Variants in ANKRD44 observed in about 807,000 individuals in gnomAD.
ANKRD44 encodes the protein serine/threonine-protein phosphatase 6 regulatory ankyrin repeat subunit B.
Under a neutral mutation model 116.0 loss-of-function variants are expected in ANKRD44, and 35 were observed. The ratio of observed to expected loss-of-function variants is 0.30; its 90% CI spans 0.23 to 0.40. The LOEUF (loss-of-function observed/expected upper bound fraction) is 0.40, where lower values mean the gene tolerates loss of function less well. Ranked by LOEUF, ANKRD44 falls within the 10% of genes least tolerant of loss-of-function variation. ANKRD44 has a pLI of 1.00. For synonymous variants in ANKRD44, 435 were observed against 461.8 expected, an observed-to-expected ratio of 0.94 and a Z score of 0.74; for missense variants, 1,014 against 1,242.6, an observed-to-expected ratio of 0.82 and a Z score of 2.77.
At chr2:197,199,661 A>T (rs779644589) in intron 1 of ANKRD44, among the ~76,000 whole-genome samples, 1 of 152,090 alleles carries the variant, frequency 6.6e-6, no homozygotes, top group East Asian at 1.9e-4. Flanking sequence ...GGTGGTCTCA[A>T]ATTCTTGGGT....
chr2:197,282,019 C>T (rs1164908635), intron 1 of ANKRD44, among the ~76,000 whole-genome samples: 1 of 152,020 alleles, frequency 6.6e-6, no homozygotes, highest in Non-Finnish European at 1.5e-5. Context: ...TTTGGGAGGC[C>T]GAGGCGGGCA....
chr2:197,159,482 C>A (rs2079904220), intron 2 of ANKRD44, among the ~76,000 whole-genome samples: 1 of 152,008 alleles, frequency 6.6e-6, no homozygotes, highest in Non-Finnish European at 1.5e-5. Context: ...TAATAAAAGA[C>A]TTTCCTATTA....
intron 16 of ANKRD44, among the ~76,000 whole-genome samples, chr2:197,077,048 T>C (rs1199434953): frequency 6.6e-6 from 1 of 152,258 alleles, no homozygotes; most frequent in Non-Finnish European, 1.5e-5. Flanking sequence ...GGTTGAATGA[T>C]AGTTTTGCTT....
intron 2 of ANKRD44, among the ~76,000 whole-genome samples, chr2:197,164,229 G>A (rs1165581282): frequency 6.6e-6 from 1 of 152,194 alleles, no homozygotes; most frequent in East Asian, 1.9e-4. Context: ...ACATTCCTCG[G>A]GTCCCGGGAG....
chr2:197,300,758 C>CTTT (rs112803787), intron 1 of ANKRD44, among the ~76,000 whole-genome samples: 38 of 122,708 alleles, frequency 3.1e-4, no homozygotes, highest in Non-Finnish European at 4.6e-4. Flanking sequence ...TTTCATTTTC[C>CTTT]TTTTTTTTTT....
chr2:197,066,954 A>G (rs2077446706), intron 16 of ANKRD44, among the ~76,000 whole-genome samples: 1 of 152,208 alleles, frequency 6.6e-6, no homozygotes, highest in Non-Finnish European at 1.5e-5. Flanking sequence ...ACATGGAACC[A>G]AAAAAGAGCC....
At chr2:197,136,813 C>G in intron 3 of ANKRD44, 151 bp from the exon 4 acceptor site, 1 of 683,128 alleles carries the variant, frequency 1.5e-6, no homozygotes. Context: ...AAGATTTGAT[C>G]AAGGCTGAGG....
chr2:197,030,619 C>G (rs1301977864), intron 16 of ANKRD44, among the ~76,000 whole-genome samples: 3 of 152,164 alleles, frequency 2.0e-5, no homozygotes, highest in South Asian at 4.1e-4. Context: ...GAGGCAGCCC[C>G]CTGACAGTCC....
chr2:197,145,773 G>A (rs1192930281), intron 3 of ANKRD44, among the ~76,000 whole-genome samples: 1 of 152,128 alleles, frequency 6.6e-6, no homozygotes, highest in Admixed American at 6.5e-5. Flanking sequence ...CTGCTTGAAT[G>A]CATGTCTCAG....
In ANKRD44 at chr2:197,220,234, A is replaced by G. The variant is rs147229857; in HGVS notation, c.28-33128T>C. 5.4e-3 allele frequency among the ~76,000 whole-genome samples: 821 copies of G among 152,322 alleles called. 7 individuals are homozygous for G. The highest frequency in any genetic ancestry group is 0.019 in the African/African-American group (772 of 41,576). On this transcript the variant is annotated intron_variant, in intron 1 of 27. Coordinates refer to ENST00000282272, the MANE Select transcript of ANKRD44 (RefSeq NM_001195144.2). ...TTTACCATGTATTTAAATTTGAATA[A>G]CATTATATCCAATTTTCTCCAGGAA... is the stretch of plus-strand genomic sequence containing the variant.
Position 197,088,757 on chromosome 2 carries a change from G to A in ANKRD44, c.1201C>T (p.Pro401Ser), listed in dbSNP as rs1397004415. ...LLSSGFEIDT[P>S]DKFGRTCLHA... ...AGGCACGTTCTTCCAAATTTATCTG[G>A]GGTGTCTATTTCAAAGCCTGCAGAC... Residue 401 changes from proline to serine, a missense_variant, in exon 12 of 28, where the codon CCA (proline) becomes TCA (serine). By Grantham distance (74) the Pro-to-Ser change is moderately conservative. Transcript: ENST00000282272. 1 of 1,612,848 alleles carries A rather than the reference G, an allele frequency of 6.2e-7. No individual in the cohort carries two copies. Among genetic ancestry groups the A allele is most frequent in the Non-Finnish European group, 8.5e-7 (1 of 1,179,268 alleles).
chr2:197,059,353 G>A (rs1018048877), intron 16 of ANKRD44, among the ~76,000 whole-genome samples: 1 of 152,050 alleles, frequency 6.6e-6, no homozygotes, highest in Admixed American at 6.6e-5. Flanking sequence ...AATATGCTTT[G>A]GGACAGCATT....
chr2:197,248,604 TGAGA>T (rs146530074), intron 1 of ANKRD44, among the ~76,000 whole-genome samples: 22 of 143,032 alleles, frequency 1.5e-4, no homozygotes, highest in African/African-American at 5.3e-4. Context: ...AGAGAGAGAT[TGAGA>T]GAGAGAGGAG....
chr2:197,189,751 C>T (rs886658716), intron 1 of ANKRD44, among the ~76,000 whole-genome samples: 2 of 152,186 alleles, frequency 1.3e-5, no homozygotes, highest in Non-Finnish European at 2.9e-5. Flanking sequence ...CATGTTAAAT[C>T]AGGAGTAGTC....
chr2:197,009,903 C>T (rs949701549), intron 18 of ANKRD44, among the ~76,000 whole-genome samples: 4 of 152,126 alleles, frequency 2.6e-5, no homozygotes, highest in African/African-American at 9.7e-5. Flanking sequence ...CTAATAATCT[C>T]TCCCCACTAG....
chr2:197,104,318 GC>G (rs989863938), intron 9 of ANKRD44, among the ~76,000 whole-genome samples: 2 of 152,040 alleles, frequency 1.3e-5, no homozygotes, highest in African/African-American at 4.8e-5. Context: ...ATGTGGTTTT[GC>G]CATGTTGGCC....
intron 1 of ANKRD44, among the ~76,000 whole-genome samples, chr2:197,251,777 T>C (rs2082322950): frequency 6.6e-6 from 1 of 152,222 alleles, no homozygotes; most frequent in Admixed American, 6.5e-5. Flanking sequence ...TCGTCTAGAC[T>C]TACACTTGGG....
chr2:197,015,833 T>C, intron 17 of ANKRD44: 1 of 507,274 alleles, frequency 2.0e-6, no homozygotes. Flanking sequence ...GGAGGAAACT[T>C]TGGTGGTGGT....
intron 2 of ANKRD44, among the ~76,000 whole-genome samples, chr2:197,183,161 A>G (rs1393012123): frequency 2.0e-5 from 3 of 152,224 alleles, no homozygotes; most frequent in African/African-American, 4.8e-5. Context: ...GCCAAGCTGA[A>G]TAAGATGGCT....
Sources: allele counts gnomAD v4.1 joint callset (sites outside exome capture counted in the v4.1 genomes callset), GRCh38; gene constraint gnomAD v4.1.1; transcripts MANE v1.5; gene names NCBI Gene and HGNC (gene_info 2026-07-23, HGNC 2026-07-21).